SEMA6D: variants seen among roughly 807,000 people sequenced by gnomAD.
The protein encoded by SEMA6D is semaphorin 6D.
A neutral mutation model predicts 106.6 loss-of-function variants in SEMA6D; 35 were observed. That is an observed-to-expected ratio of 0.33 (90% CI 0.25 to 0.44). The LOEUF (loss-of-function observed/expected upper bound fraction) is 0.44. SEMA6D is among the 20% of genes least tolerant of loss of function. The probability of loss-of-function intolerance (pLI) is 1.00; values close to 1 mark genes in which losing one functional copy is unlikely to be tolerated. For synonymous variants in SEMA6D, 499 were observed against 487.7 expected (o/e 1.02, Z -0.31); for missense variants, 1,185 against 1,345.9 (o/e 0.88, Z 1.87).
intron 1 of SEMA6D, among the ~76,000 whole-genome samples, chr15:47,406,534 AT>A (rs1660546033): frequency 1.3e-5 from 2 of 152,174 alleles, no homozygotes; most frequent in African/African-American, 4.8e-5. Context: ...ATTTATAATA[AT>A]TTATTAATAA....
At chr15:47,703,705 A>G (rs752201526) in intron 4 of SEMA6D, among the ~76,000 whole-genome samples, 11 of 152,194 alleles carry the variant, frequency 7.2e-5, no homozygotes, top group African/African-American at 2.7e-4. Flanking sequence ...ACCCTGCAAT[A>G]TCCAAATCAA....
intron 1 of SEMA6D, among the ~76,000 whole-genome samples, chr15:47,316,451 T>G (rs2143407733): frequency 6.6e-6 from 1 of 152,148 alleles, no homozygotes; most frequent in Middle Eastern, 3.4e-3. Context: ...AAAGCAGTAG[T>G]GAGAGGGGAC....
chr15:47,756,357 G>A (rs1408844196), intron 1 of SEMA6D, among the ~76,000 whole-genome samples: 1 of 150,870 alleles, frequency 6.6e-6, no homozygotes, highest in Non-Finnish European at 1.5e-5. Flanking sequence ...CCACCTTTTT[G>A]CCAGACAAGA....
chr15:47,212,153 A>C (rs1301372947), intron 1 of SEMA6D, among the ~76,000 whole-genome samples: 5 of 152,246 alleles, frequency 3.3e-5, no homozygotes, highest in African/African-American at 1.2e-4. Context: ...GATAGCCTTG[A>C]GAATAATTGT....
chr15:47,670,507 G>A (rs747291917), intron 4 of SEMA6D, among the ~76,000 whole-genome samples: 1 of 152,226 alleles, frequency 6.6e-6, no homozygotes. Context: ...AGACATGGGG[G>A]AGAATGCACA....
upstream of SEMA6D, among the ~76,000 whole-genome samples, chr15:47,714,751 C>T (rs984707610): frequency 2.0e-5 from 3 of 152,130 alleles, no homozygotes; most frequent in East Asian, 1.9e-4. Context: ...GTCCTGGGGA[C>T]GCAGGATGAA....
intron 3 of SEMA6D, among the ~76,000 whole-genome samples, chr15:47,567,182 A>G (rs962624354): frequency 1.3e-5 from 2 of 152,130 alleles, no homozygotes; most frequent in Non-Finnish European, 2.9e-5. Flanking sequence ...TTTAATTATA[A>G]TTTTCTGCAT....
intron 1 of SEMA6D, chr15:47,393,229 A>G (rs374354984): frequency 6.6e-6 from 1 of 152,240 alleles, no homozygotes; most frequent in African/African-American, 2.4e-5. Context: ...ATAAATTGAA[A>G]TATTCTGCAA....
intron 1 of SEMA6D, among the ~76,000 whole-genome samples, chr15:47,275,730 AC>A (rs1248773902): frequency 1.2e-4 from 18 of 152,076 alleles, no homozygotes; most frequent in African/African-American, 4.3e-4. Flanking sequence ...CCAATTAGTA[AC>A]CCTACATTGG....
rs1450109233 is a variant in SEMA6D at position 47,348,727 on chromosome 15, C to CACAGAGAGAGAGAG, written c.-238-63665_-238-63664insCAGAGAGAGAGAGA. Among the ~76,000 whole-genome samples, 177 of 57,096 alleles carry CACAGAGAGAGAGAG rather than the reference C, an allele frequency of 3.1e-3. 1 individual carries two copies. Among genetic ancestry groups the CACAGAGAGAGAGAG allele is most frequent in the African/African-American group, 7.6e-3 (153 of 20,196 alleles). 37.5% of individuals were successfully genotyped at this position (57,096 alleles called of 152,430 possible). On this transcript the variant is annotated intron_variant, in intron 1 of 19. Coordinates refer to the SEMA6D transcript ENST00000558014. ...CACACACACACACACACCACACACA[C>CACAGAGAGAGAGAG]AGAGAGAGAGAGAGAGAGAGAGAGA...
chr15:47,540,044 C>CTA (rs1555387606), intron 3 of SEMA6D, among the ~76,000 whole-genome samples: 1 of 150,582 alleles, frequency 6.6e-6, no homozygotes, highest in African/African-American at 2.4e-5. Context: ...TTATATTTAG[C>CTA]TGTGTGTGTG....
intron 3 of SEMA6D, among the ~76,000 whole-genome samples, chr15:47,533,390 T>A (rs987982537): frequency 3.9e-5 from 6 of 152,238 alleles, no homozygotes; most frequent in Non-Finnish European, 8.8e-5. Context: ...AGCACAGCAT[T>A]TATCTGTAAA....
intron 1 of SEMA6D, among the ~76,000 whole-genome samples, chr15:47,311,701 C>G (rs2036453098): frequency 6.6e-6 from 1 of 152,018 alleles, no homozygotes; most frequent in Non-Finnish European, 1.5e-5. Context: ...AAAAAAAAAT[C>G]TATATATAGC....
chr15:47,486,700 G>A (rs565391870), intron 3 of SEMA6D, among the ~76,000 whole-genome samples: 2 of 152,320 alleles, frequency 1.3e-5, no homozygotes, highest in Non-Finnish European at 2.9e-5. Context: ...GTTGACCTTA[G>A]GAAAGTCTTT....
At chr15:47,212,460 T>C (rs1044815299) in intron 1 of SEMA6D, among the ~76,000 whole-genome samples, 2 of 152,202 alleles carry the variant, frequency 1.3e-5, no homozygotes, top group African/African-American at 4.8e-5. Context: ...AGTGGGTGAT[T>C]ACGAGCATGA....
intron 4 of SEMA6D, among the ~76,000 whole-genome samples, chr15:47,691,917 A>T (rs2078595241): frequency 6.6e-6 from 1 of 152,192 alleles, no homozygotes. Flanking sequence ...GAGGGAACAT[A>T]TTTAGATGGA....
chr15:47,737,596 G>A (rs1012001094), intron 1 of SEMA6D, among the ~76,000 whole-genome samples: 5 of 151,870 alleles, frequency 3.3e-5, no homozygotes, highest in African/African-American at 1.2e-4. Context: ...CATAAGCTGA[G>A]GATTACTGGT....
intron 1 of SEMA6D, among the ~76,000 whole-genome samples, chr15:47,319,980 C>A (rs1011691086): frequency 6.6e-6 from 1 of 152,156 alleles, no homozygotes; most frequent in Non-Finnish European, 1.5e-5. Flanking sequence ...CTCTAAGTCA[C>A]AACTCCCTGT....
intron 4 of SEMA6D, among the ~76,000 whole-genome samples, chr15:47,628,272 G>C (rs989665063): frequency 4.2e-5 from 6 of 143,940 alleles, no homozygotes; most frequent in African/African-American, 1.5e-4. Context: ...ATTTCTTTGA[G>C]ATTAAGGCAC....
Sources: allele counts gnomAD v4.1 joint callset (sites outside exome capture counted in the v4.1 genomes callset), GRCh38; gene constraint gnomAD v4.1.1; transcripts MANE v1.5; gene names NCBI Gene and HGNC (gene_info 2026-07-23, HGNC 2026-07-21).